The following MRAP2 variants were observed in gnomAD, a reference collection of about 807,000 sequenced individuals.
MRAP2 encodes melanocortin-2 receptor accessory protein 2.
MRAP2 carries 20 observed loss-of-function variants against 17.4 expected under a neutral mutation model. The ratio of observed to expected loss-of-function variants is 1.15; its 90% CI spans 0.81 to 1.67. The LOEUF is 1.67. Ranked by LOEUF, MRAP2 falls within the 40% of genes most tolerant of loss-of-function variation. The probability of loss-of-function intolerance (pLI) is 0.00; values close to 1 mark genes in which losing one functional copy is unlikely to be tolerated. For synonymous variants in MRAP2, 96 were observed against 88.4 expected (o/e 1.09, Z -0.48); for missense variants, 238 against 240.0 (o/e 0.99, Z 0.05).
At chr6:84,133,266 C>A in the MRAP2 span, among the ~76,000 whole-genome samples, 1 of 152,158 alleles carries the variant, frequency 6.6e-6, no homozygotes, top group Non-Finnish European at 1.5e-5. Context: ...TGTCAGTTGG[C>A]CCCTATTGGG....
chr6:84,056,151 C>T (rs1191761002), intron 2 of MRAP2, among the ~76,000 whole-genome samples: 1 of 152,156 alleles, frequency 6.6e-6, no homozygotes, highest in Non-Finnish European at 1.5e-5. Context: ...TTGGTAACCC[C>T]GTAAATATCC....
chr6:84,099,672 C>A, the MRAP2 span, among the ~76,000 whole-genome samples: 1 of 152,132 alleles, frequency 6.6e-6, no homozygotes, highest in African/African-American at 2.4e-5. Flanking sequence ...GTGCCTTCTC[C>A]ATGAGTGAAA....
At chr6:84,091,157 CAT>C (rs1031021248), downstream of MRAP2, among the ~76,000 whole-genome samples, 4 of 136,976 alleles carry the variant, frequency 2.9e-5, no homozygotes, top group East Asian at 2.0e-4. Context: ...GCTACTTTAA[CAT>C]ATTTTTTATA....
chr6:84,125,045 G>C, the MRAP2 span: 1 of 1,563,572 alleles, frequency 6.4e-7, no homozygotes, highest in South Asian at 1.1e-5. Context: ...CTTTTAATAA[G>C]GTCATTATGA....
chr6:84,121,638 C>T, the MRAP2 span, among the ~76,000 whole-genome samples: 2 of 151,942 alleles, frequency 1.3e-5, no homozygotes, highest in African/African-American at 4.8e-5. Context: ...AGTAAGACTC[C>T]GTCTCAAAAA....
At chr6:84,141,120 T>A in the MRAP2 span, among the ~76,000 whole-genome samples, 1 of 152,158 alleles carries the variant, frequency 6.6e-6, no homozygotes, top group South Asian at 2.1e-4. Flanking sequence ...CCCCTGCTCA[T>A]CTGCTGAGAG....
rs2099496872 is a variant in MRAP2 at position 84,073,883 on chromosome 6, TGTGTG to T, written c.227+10892_227+10896del. On this transcript the variant is annotated intron_variant, in intron 3 of 3. Coordinates refer to ENST00000257776, the MANE Select transcript of MRAP2 (RefSeq NM_138409.4). Reference sequence around the variant, plus strand: ...ATTATGAGATATTTGTGTGTGTGTGTGTGTGTTTTTTTTTTTTTTTCTCATCAGCT... The same window carrying T: ...ATTATGAGATATTTGTGTGTGTGTGTTTTTTTTTTTTTTTTCTCATCAGCT... Among the ~76,000 whole-genome samples, 4 of 133,026 alleles carry T rather than the reference TGTGTG, an allele frequency of 3.0e-5. No individual in the cohort carries two copies. In the East Asian group the frequency reaches 8.1e-4, roughly 27 times the overall value. The allele number at this position is 133,026 out of a possible 152,430, so 87.3% of individuals were successfully genotyped here.
the MRAP2 span, among the ~76,000 whole-genome samples, chr6:84,115,173 T>C: frequency 6.6e-6 from 1 of 152,202 alleles, no homozygotes; most frequent in Non-Finnish European, 1.5e-5. Flanking sequence ...GCTGCACTCA[T>C]AACTGCCCCT....
the MRAP2 span, chr6:84,125,184 C>T: frequency 6.2e-7 from 1 of 1,613,672 alleles, no homozygotes; most frequent in Non-Finnish European, 8.5e-7. Flanking sequence ...GGAACTTCTC[C>T]AGCTCACGAT....
intron 3 of MRAP2, among the ~76,000 whole-genome samples, chr6:84,065,363 G>A (rs9294289): frequency 0.052 from 7,906 of 152,096 alleles, 678 homozygotes; most frequent in African/African-American, 0.18. Context: ...GGAGACATAT[G>A]GCTGAGAATC....
intron 2 of MRAP2, among the ~76,000 whole-genome samples, chr6:84,057,535 C>G (rs142113739): frequency 1.3e-4 from 20 of 152,250 alleles, no homozygotes; most frequent in African/African-American, 4.3e-4. Context: ...AGTTTTGAAT[C>G]CAATATTAAA....
chr6:84,108,006 G>T, the MRAP2 span, among the ~76,000 whole-genome samples: 2 of 152,196 alleles, frequency 1.3e-5, no homozygotes, highest in Non-Finnish European at 2.9e-5. Flanking sequence ...TACATGTCTT[G>T]CAGGGCTATC....
the MRAP2 span, among the ~76,000 whole-genome samples, chr6:84,097,363 C>T: frequency 2.0e-5 from 3 of 152,162 alleles, no homozygotes; most frequent in Non-Finnish European, 4.4e-5. Flanking sequence ...TAAGTTTCCT[C>T]TTTATTTTTG....
chr6:84,083,567 A>G (rs1209219744), intron 3 of MRAP2, among the ~76,000 whole-genome samples: 3 of 152,214 alleles, frequency 2.0e-5, no homozygotes, highest in Non-Finnish European at 4.4e-5. Flanking sequence ...TAAAACATCT[A>G]GTACAATCTT....
chr6:84,044,135 C>T (rs2099488369), intron 1 of MRAP2, among the ~76,000 whole-genome samples: 1 of 152,128 alleles, frequency 6.6e-6, no homozygotes, highest in African/African-American at 2.4e-5. Flanking sequence ...TTTCCTCGGG[C>T]TGCCATAACA....
intron 3 of MRAP2, among the ~76,000 whole-genome samples, chr6:84,076,834 G>A (rs1336518002): frequency 6.6e-6 from 1 of 152,124 alleles, no homozygotes; most frequent in African/African-American, 2.4e-5. Context: ...TCAAAAATCT[G>A]GAAAATTGCT....
intron 1 of MRAP2, among the ~76,000 whole-genome samples, chr6:84,051,929 A>G (rs1157998786): frequency 6.6e-6 from 1 of 152,132 alleles, no homozygotes; most frequent in African/African-American, 2.4e-5. Flanking sequence ...TTCCCCAACA[A>G]TGGGCTGGCC....
At chr6:84,080,022 T>C (rs993015249) in intron 3 of MRAP2, among the ~76,000 whole-genome samples, 1 of 75,518 alleles carries the variant, frequency 1.3e-5, no homozygotes, top group South Asian at 3.6e-4. Context: ...ATTGCCAGGG[T>C]TTTTTTTTTG....
chr6:84,109,517 G>T, the MRAP2 span, among the ~76,000 whole-genome samples: 2 of 152,140 alleles, frequency 1.3e-5, no homozygotes, highest in South Asian at 2.1e-4. Context: ...TTTGCACATT[G>T]ATTTTGTATA....
Sources: allele counts gnomAD v4.1 joint callset (sites outside exome capture counted in the v4.1 genomes callset), GRCh38; gene constraint gnomAD v4.1.1; transcripts MANE v1.5; gene names NCBI Gene and HGNC (gene_info 2026-07-23, HGNC 2026-07-21).